Variants in LRRC4C observed in about 807,000 individuals in gnomAD.
The protein encoded by LRRC4C is leucine-rich repeat-containing protein 4C.
In LRRC4C, 5 loss-of-function variants were observed where a neutral mutation model predicts 33.6. That is an observed-to-expected ratio of 0.15 (90% CI 0.08 to 0.31). The LOEUF is 0.31. Ranked by LOEUF, LRRC4C falls within the 10% of genes least tolerant of loss-of-function variation. LRRC4C has a pLI of 1.00. For synonymous variants in LRRC4C, 329 were observed against 302.0 expected (o/e 1.09, Z -0.93); for missense variants, 560 against 796.7 (o/e 0.70, Z 3.58).
intron 3 of LRRC4C, among the ~76,000 whole-genome samples, chr11:40,476,981 G>A (rs1953268254): frequency 6.6e-6 from 1 of 152,096 alleles, no homozygotes; most frequent in Non-Finnish European, 1.5e-5. Flanking sequence ...CACAAAAAAT[G>A]GATTGATCCT....
At chr11:40,396,424 A>G (rs1949544126) in intron 3 of LRRC4C, among the ~76,000 whole-genome samples, 1 of 152,156 alleles carries the variant, frequency 6.6e-6, no homozygotes, top group Admixed American at 6.6e-5. Context: ...TTTCATGTTC[A>G]AGTTAAAGAT....
chr11:40,491,619 T>C (rs984543482), intron 3 of LRRC4C, among the ~76,000 whole-genome samples: 3 of 152,274 alleles, frequency 2.0e-5, no homozygotes, highest in Admixed American at 2.0e-4. Flanking sequence ...ACAACATGGC[T>C]ATTTGATTCT....
chr11:41,227,878 T>C (rs1175325838), intron 1 of LRRC4C, among the ~76,000 whole-genome samples: 1 of 152,138 alleles, frequency 6.6e-6, no homozygotes, highest in Non-Finnish European at 1.5e-5. Flanking sequence ...TTTTTCTGTC[T>C]GAATATTTTA....
At chr11:40,438,906 G>A (rs1241972896) in intron 3 of LRRC4C, among the ~76,000 whole-genome samples, 1 of 150,026 alleles carries the variant, frequency 6.7e-6, no homozygotes, top group South Asian at 2.1e-4. Flanking sequence ...AAATCTACAG[G>A]GTTAATTTAT....
Position 40,349,372 on chromosome 11 carries a change from C to T in LRRC4C, c.-269-29651G>A, listed in dbSNP as rs116026324. 6.6e-3 allele frequency among the ~76,000 whole-genome samples: 1,006 copies of T among 151,778 alleles called. 10 individuals are homozygous for T. The highest frequency in any genetic ancestry group is 0.022 in the African/African-American group (901 of 41,406). ...ACATTAACATAAAGACCTCCAGTTC[C>T]GTCTATGTTGCTGCAAATGACAGAA... On this transcript the variant is annotated intron_variant, in intron 3 of 6. Transcript: ENST00000528697.
At chr11:40,458,137 A>C (rs1952221128) in intron 3 of LRRC4C, among the ~76,000 whole-genome samples, 1 of 152,196 alleles carries the variant, frequency 6.6e-6, no homozygotes, top group Admixed American at 6.5e-5. Context: ...GGACAAGATA[A>C]AAAGTTGTAA....
intron 3 of LRRC4C, among the ~76,000 whole-genome samples, chr11:40,406,174 C>T (rs139574273): frequency 4.9e-4 from 75 of 152,198 alleles, no homozygotes; most frequent in African/African-American, 1.7e-3. Context: ...TCCACCAGAC[C>T]TTTAAAGTGA....
At chr11:40,456,295 T>C (rs1338091674) in intron 3 of LRRC4C, among the ~76,000 whole-genome samples, 1 of 152,164 alleles carries the variant, frequency 6.6e-6, no homozygotes, top group Non-Finnish European at 1.5e-5. Flanking sequence ...ATTGTAGCAA[T>C]TTATTAAATG....
chr11:41,017,223 G>A (rs1197526982), intron 1 of LRRC4C, among the ~76,000 whole-genome samples: 2 of 152,088 alleles, frequency 1.3e-5, no homozygotes, highest in Admixed American at 6.6e-5. Context: ...TAAAGTAGTT[G>A]AACAAACATT....
At position 40,870,642 on chromosome 11, in the gene LRRC4C, A is replaced by G. The variant is rs140899968; in HGVS notation, c.-407+62993T>C. On this transcript the variant is annotated intron_variant, in intron 2 of 6. Transcript: ENST00000528697. ...TTCATGGACACTTATCACTTCCCCAATCAATACCCTTGTGATTTCCTATGC... is the reference window on the plus strand; with the variant it reads ...TTCATGGACACTTATCACTTCCCCAGTCAATACCCTTGTGATTTCCTATGC... Among the ~76,000 whole-genome samples the G allele has an allele frequency of 5.1e-3, 774 of 152,282 alleles. 11 individuals carry two copies. Among genetic ancestry groups the G allele is most frequent in the African/African-American group, 0.017 (699 of 41,566 alleles).
rs1358850437 is a variant in LRRC4C at position 40,324,699 on chromosome 11, T to C, written c.-269-4978A>G. Among the ~76,000 whole-genome samples the C allele has an allele frequency of 2.8e-4, 43 of 152,126 alleles. 1 individual carries two copies. The highest frequency in any genetic ancestry group is 2.8e-3 in the Admixed American group (43 of 15,270). On this transcript the variant is annotated intron_variant, in intron 3 of 6. Transcript: ENST00000528697. ...TTCTTGAGAAACATTTATTGATAAA[T>C]GAGACAGAACAATTAAGTAAATACA...
At chr11:40,384,014 C>CATAAAGGATATTAATCCTTTATCA (rs1949005014) in intron 3 of LRRC4C, among the ~76,000 whole-genome samples, 1 of 149,586 alleles carries the variant, frequency 6.7e-6, no homozygotes, top group Non-Finnish European at 1.5e-5. Context: ...ATCAGATTTA[C>CATAAAGGATATTAATCCTTTATCA]GGTTTCCAAA....
At chr11:41,422,094 C>G (rs1269860802) in intron 1 of LRRC4C, among the ~76,000 whole-genome samples, 1 of 152,056 alleles carries the variant, frequency 6.6e-6, no homozygotes, top group Non-Finnish European at 1.5e-5. Flanking sequence ...GTAGAGTATT[C>G]TCTTTCCTAG....
chr11:40,746,473 G>C (rs1219473572), intron 2 of LRRC4C, among the ~76,000 whole-genome samples: 1 of 152,170 alleles, frequency 6.6e-6, no homozygotes, highest in East Asian at 1.9e-4. Context: ...GGGCAGAGGT[G>C]CGTGTAGAGT....
At chr11:40,258,999 G>A (rs570819422) in intron 4 of LRRC4C, among the ~76,000 whole-genome samples, 6 of 152,264 alleles carry the variant, frequency 3.9e-5, no homozygotes, top group African/African-American at 9.6e-5. Context: ...GTATTAACTT[G>A]TTTAATGCTT....
At chr11:41,125,844 C>G (rs977948748) in intron 1 of LRRC4C, among the ~76,000 whole-genome samples, 16 of 152,034 alleles carry the variant, frequency 1.1e-4, no homozygotes, top group African/African-American at 3.9e-4. Flanking sequence ...TTGAAAAGAC[C>G]ATTACATACA....
intron 3 of LRRC4C, among the ~76,000 whole-genome samples, chr11:40,510,808 G>A (rs553342048): frequency 3.3e-5 from 5 of 152,186 alleles, no homozygotes; most frequent in African/African-American, 7.2e-5. Flanking sequence ...GAGAGATGGC[G>A]AAATAGAATA....
intron 2 of LRRC4C, among the ~76,000 whole-genome samples, chr11:40,915,702 T>C (rs1565199780): frequency 6.6e-6 from 1 of 152,204 alleles, no homozygotes. Context: ...AAATGGGATC[T>C]TGTTAAACTA....
At chr11:41,437,811 A>G (rs976475196) in intron 1 of LRRC4C, among the ~76,000 whole-genome samples, 2 of 152,124 alleles carry the variant, frequency 1.3e-5, no homozygotes, top group African/African-American at 4.8e-5. Context: ...GATGAGGCAG[A>G]TGGGTCATCT....
Sources: gnomAD v4.1 joint callset for allele counts (sites outside exome capture counted in the v4.1 genomes callset) on GRCh38, gnomAD v4.1.1 for gene constraint, MANE v1.5 for transcripts, NCBI Gene and HGNC (gene_info 2026-07-23, HGNC 2026-07-21) for gene names.